Variants in DYNLRB1 observed in about 807,000 individuals in gnomAD.
The protein encoded by DYNLRB1 is dynein light chain roadblock-type 1.
DYNLRB1 carries 6 observed loss-of-function variants against 13.5 expected under a neutral mutation model. That is an observed-to-expected ratio of 0.44 (90% CI 0.24 to 0.88). DYNLRB1 has a LOEUF of 0.88. DYNLRB1 is among the 40% of genes least tolerant of loss of function. The pLI is 0.21. For missense variants in DYNLRB1, 93 were observed against 127.2 expected (o/e 0.73, Z 1.29); for synonymous variants, 43 against 45.0 (o/e 0.96, Z 0.18).
chr20:34,519,997 C>T (rs1979578428), intron 1 of DYNLRB1, among the ~76,000 whole-genome samples: 1 of 152,048 alleles, frequency 6.6e-6, no homozygotes, highest in African/African-American at 2.4e-5. Context: ...AGCCGGAAGC[C>T]GTGCATCTGT....
At chr20:34,539,821 T>G (rs1156413632) in intron 3 of DYNLRB1, among the ~76,000 whole-genome samples, 1 of 151,834 alleles carries the variant, frequency 6.6e-6, no homozygotes, top group Non-Finnish European at 1.5e-5. Flanking sequence ...TTTTAAAAAT[T>G]TACCCAGGTT....
At chr20:34,528,311 C>CAAAAAAAAAA (rs59104612) in intron 2 of DYNLRB1, among the ~76,000 whole-genome samples, 1 of 5,204 alleles carries the variant, frequency 1.9e-4, no homozygotes, top group Non-Finnish European at 2.9e-4. Context: ...GACTCCGTCT[C>CAAAAAAAAAA]AAAAAAAAAA....
intron 3 of DYNLRB1, among the ~76,000 whole-genome samples, chr20:34,539,981 A>G (rs1171264535): frequency 6.6e-6 from 1 of 152,028 alleles, no homozygotes; most frequent in East Asian, 1.9e-4. Flanking sequence ...CGGAGGGGAA[A>G]AAAAGAGAGA....
chr20:34,522,469 C>CTTTTTTTTTTTTTTT (rs771811577), intron 1 of DYNLRB1, among the ~76,000 whole-genome samples: 53 of 77,196 alleles, frequency 6.9e-4, no homozygotes, highest in African/African-American at 1.2e-3. Flanking sequence ...TTTTCTTTTT[C>CTTTTTTTTTTTTTTT]TTTTTTTTTT....
intron 2 of DYNLRB1, chr20:34,529,776 A>C: frequency 8.1e-7 from 1 of 1,238,232 alleles, no homozygotes; most frequent in Non-Finnish European, 1.0e-6. Flanking sequence ...GAGCCCTGGC[A>C]AGCACAGAGC....
At chr20:34,516,726 G>C (rs1190566387) in intron 1 of DYNLRB1, 2 of 1,541,620 alleles carry the variant, frequency 1.3e-6, no homozygotes, top group African/African-American at 2.8e-5. Context: ...TGATGGGCGA[G>C]GGGTGGGCGG....
chr20:34,522,691 C>G (rs1041280379), intron 1 of DYNLRB1, among the ~76,000 whole-genome samples: 1 of 151,978 alleles, frequency 6.6e-6, no homozygotes, highest in Non-Finnish European at 1.5e-5. Flanking sequence ...CCAGGCTGGT[C>G]TCAAACTCCT....
In DYNLRB1 at chr20:34,526,234, G is replaced by A. The variant is rs142799315; in HGVS notation, c.4-34G>A. 4.2e-5 allele frequency: 68 copies of A among 1,612,250 alleles called. No homozygotes were observed. The African/African-American group carries it at 4.3e-4, about 10-fold the overall frequency. On this transcript the variant is annotated intron_variant, in intron 1 of 3. Transcript: ENST00000357156. Reference sequence around the variant, plus strand: ...TATGAGGAAGTTAATCCTGCCTATCGGCCTCTCCTAACCTTGGTCTTGTTT... The same window carrying A: ...TATGAGGAAGTTAATCCTGCCTATCAGCCTCTCCTAACCTTGGTCTTGTTT...
intron 2 of DYNLRB1, among the ~76,000 whole-genome samples, chr20:34,528,772 A>G (rs1174343930): frequency 1.3e-5 from 2 of 151,996 alleles, no homozygotes; most frequent in African/African-American, 4.8e-5. Flanking sequence ...GGGGTTCAAG[A>G]CCAGCCTGGG....
chr20:34,540,506 T>C (rs1981493108), intron 3 of DYNLRB1, 75 bp from the exon 4 acceptor site: 2 of 1,382,474 alleles, frequency 1.4e-6, no homozygotes, highest in South Asian at 1.2e-5. Context: ...AGTGATTTAA[T>C]GGTTTATTTG....
At chr20:34,521,505 T>A (rs1480343622) in intron 1 of DYNLRB1, among the ~76,000 whole-genome samples, 1 of 152,200 alleles carries the variant, frequency 6.6e-6, no homozygotes, top group Non-Finnish European at 1.5e-5. Context: ...TCCTGTTAGA[T>A]TAGTTATTCT....
At chr20:34,536,360 T>C (rs968331763) in intron 3 of DYNLRB1, 4 of 985,094 alleles carry the variant, frequency 4.1e-6, no homozygotes, top group Middle Eastern at 5.2e-4. Context: ...TTGACCTGGG[T>C]TGGGGGAAAA....
chr20:34,531,284 G>A (rs1328341057), intron 2 of DYNLRB1: 2 of 152,224 alleles, frequency 1.3e-5, no homozygotes, highest in Admixed American at 6.5e-5. Flanking sequence ...TATCCCAGTA[G>A]ATCAGAGCCC....
At chr20:34,538,005 T>TTTTTTG (rs1981293993) in intron 3 of DYNLRB1, among the ~76,000 whole-genome samples, 2 of 122,990 alleles carry the variant, frequency 1.6e-5, no homozygotes, top group Non-Finnish European at 3.4e-5. Context: ...TTTTTTTTTT[T>TTTTTTG]GAGACAGGGT....
rs187813407 is a variant in DYNLRB1 at position 34,532,011 on chromosome 20, G to C, written c.80-2617G>C. Among the ~76,000 whole-genome samples, 6 of 152,276 alleles carry C rather than the reference G, an allele frequency of 3.9e-5. No individual in the cohort carries two copies. The East Asian group carries it at 1.2e-3, about 29-fold the overall frequency. On this transcript the variant is annotated intron_variant, in intron 2 of 3. Coordinates refer to ENST00000357156, the MANE Select transcript of DYNLRB1 (RefSeq NM_014183.4). ...GGGACTGTGGGCCTCTTACCATTGGGGCCCAAAGGTGAGCTAAGGGGCGGG... is the reference window on the plus strand; with the variant it reads ...GGGACTGTGGGCCTCTTACCATTGGCGCCCAAAGGTGAGCTAAGGGGCGGG...
intron 1 of DYNLRB1, among the ~76,000 whole-genome samples, 155 bp from the exon 2 acceptor site, chr20:34,526,113 C>T (rs377645223): frequency 1.3e-5 from 2 of 152,170 alleles, no homozygotes; most frequent in Non-Finnish European, 2.9e-5. Flanking sequence ...CGGAGGAGCA[C>T]GTCAGATCAG....
intron 2 of DYNLRB1, chr20:34,530,102 C>G: frequency 4.0e-6 from 5 of 1,236,734 alleles, no homozygotes; most frequent in Non-Finnish European, 5.1e-6. Flanking sequence ...CCCCAGGGGC[C>G]AACAGCCCCA....
intron 3 of DYNLRB1, among the ~76,000 whole-genome samples, chr20:34,537,963 C>G (rs1275434593): frequency 6.6e-6 from 1 of 151,194 alleles, no homozygotes; most frequent in Non-Finnish European, 1.5e-5. Context: ...CACCCTGGCC[C>G]AGAACCGCCC....
intron 1 of DYNLRB1, among the ~76,000 whole-genome samples, chr20:34,524,154 G>A (rs990478541): frequency 6.6e-6 from 1 of 152,022 alleles, no homozygotes; most frequent in Non-Finnish European, 1.5e-5. Context: ...AATGAAAAAG[G>A]GTGTTTTGAA....
Sources: gnomAD v4.1 joint callset for allele counts (sites outside exome capture counted in the v4.1 genomes callset) on GRCh38, gnomAD v4.1.1 for gene constraint, MANE v1.5 for transcripts, NCBI Gene and HGNC (gene_info 2026-07-23, HGNC 2026-07-21) for gene names.